VTI1A: variants seen among roughly 807,000 people sequenced by gnomAD.
VTI1A encodes the protein vesicle transport through interaction with t-SNAREs 1A.
In VTI1A, 22 loss-of-function variants were observed where a neutral mutation model predicts 34.9. That is an observed-to-expected ratio of 0.63 (90% CI 0.45 to 0.90). VTI1A has a LOEUF of 0.90. Ranked by LOEUF, VTI1A falls within the 40% of genes least tolerant of loss-of-function variation. VTI1A has a pLI of 0.00. For missense variants in VTI1A, 268 were observed against 275.6 expected, an observed-to-expected ratio of 0.97 and a Z score of 0.20; for synonymous variants, 87 against 97.3, an observed-to-expected ratio of 0.89 and a Z score of 0.62.
chr10:112,672,614 A>T (rs1847890460), intron 7 of VTI1A: 1 of 152,190 alleles, frequency 6.6e-6, no homozygotes. Flanking sequence ...CTTTCACAAA[A>T]TTTGATTATT....
intron 5 of VTI1A, among the ~76,000 whole-genome samples, chr10:112,599,845 C>T (rs1844814632): frequency 6.6e-6 from 1 of 152,182 alleles, no homozygotes; most frequent in Non-Finnish European, 1.5e-5. Flanking sequence ...TCCCAAAGTG[C>T]TGGGACTACA....
intron 7 of VTI1A, among the ~76,000 whole-genome samples, chr10:112,779,384 C>CT (rs1852047443): frequency 6.6e-6 from 1 of 152,180 alleles, no homozygotes; most frequent in Non-Finnish European, 1.5e-5. Flanking sequence ...GATTTTGACA[C>CT]AGAGATAAGC....
intron 7 of VTI1A, among the ~76,000 whole-genome samples, chr10:112,779,122 C>A (rs1316434106): frequency 6.6e-6 from 1 of 152,178 alleles, no homozygotes; most frequent in Non-Finnish European, 1.5e-5. Context: ...GGTACACATA[C>A]TTCCAGTTCT....
intron 7 of VTI1A, among the ~76,000 whole-genome samples, chr10:112,685,090 C>CT: frequency 6.6e-6 from 1 of 152,250 alleles, no homozygotes; most frequent in East Asian, 1.9e-4. Context: ...TTTTTTAAAT[C>CT]TTTGGAATTG....
intron 6 of VTI1A, 68 bp from the exon 7 acceptor site, chr10:112,668,869 C>T (rs571410281): frequency 8.8e-6 from 13 of 1,479,780 alleles, no homozygotes; most frequent in Non-Finnish European, 9.3e-6. Flanking sequence ...AATAAATTGT[C>T]GCTTGCCATG....
chr10:112,721,657 A>G (rs1275042277), intron 7 of VTI1A, among the ~76,000 whole-genome samples: 2 of 152,210 alleles, frequency 1.3e-5, no homozygotes, highest in African/African-American at 2.4e-5. Context: ...TATTCCCTCC[A>G]GTGTACCATC....
intron 5 of VTI1A, among the ~76,000 whole-genome samples, chr10:112,595,084 G>A (rs879622319): frequency 0.086 from 12,671 of 147,904 alleles, 592 homozygotes; most frequent in Non-Finnish European, 0.11. Flanking sequence ...TTAATAAATG[G>A]TGCTGGGAAA....
chr10:112,541,254 A>C (rs1589880266), intron 5 of VTI1A, among the ~76,000 whole-genome samples: 1 of 152,158 alleles, frequency 6.6e-6, no homozygotes, highest in Non-Finnish European at 1.5e-5. Flanking sequence ...TTGGAGAGAG[A>C]GAAAAACCAC....
chr10:112,651,829 G>A (rs1847034237), intron 5 of VTI1A, among the ~76,000 whole-genome samples: 1 of 152,194 alleles, frequency 6.6e-6, no homozygotes. Context: ...AGAGAGATGG[G>A]AAAGTCCACT....
Position 112,590,725 on chromosome 10 carries a change from C to T in VTI1A, c.427+52395C>T, listed in dbSNP as rs1445649783. ...AAAAATAAAATAAATTTATTTATTT[C>T]ATTAGCCCAGAGATTGGAAACGAGA... On this transcript the variant is annotated intron_variant, in intron 5 of 7. Coordinates refer to ENST00000393077, the MANE Select transcript of VTI1A (RefSeq NM_145206.4). Among the ~76,000 whole-genome samples, 4 of 152,006 alleles carry T rather than the reference C, an allele frequency of 2.6e-5. No individual in the cohort carries two copies. In the East Asian group the frequency reaches 7.7e-4, roughly 29 times the overall value.
chr10:112,754,743 G>A (rs1470630159), intron 7 of VTI1A, among the ~76,000 whole-genome samples: 1 of 152,198 alleles, frequency 6.6e-6, no homozygotes, highest in South Asian at 2.1e-4. Flanking sequence ...ATGCAGGGGG[G>A]CACAGAGTGT....
chr10:112,825,705 C>A, the VTI1A span: 1 of 152,340 alleles, frequency 6.6e-6, no homozygotes, highest in Non-Finnish European at 1.5e-5. Flanking sequence ...GGAGAACCCT[C>A]ATGTCTAGGG....
At chr10:112,518,936 A>G (rs1274740818) in intron 3 of VTI1A, among the ~76,000 whole-genome samples, 1 of 152,022 alleles carries the variant, frequency 6.6e-6, no homozygotes, top group African/African-American at 2.4e-5. Flanking sequence ...TCACCCTAGT[A>G]TAGAAGTAAC....
intron 7 of VTI1A, among the ~76,000 whole-genome samples, chr10:112,700,117 C>CAAAAAAAAAAAAAAAAAAAAAAA (rs1201699870): frequency 2.5e-5 from 1 of 40,440 alleles, no homozygotes; most frequent in East Asian, 8.4e-4. Flanking sequence ...GACTCCATCT[C>CAAAAAAAAAAAAAAAAAAAAAAA]AAAAAAAAAA....
intron 5 of VTI1A, among the ~76,000 whole-genome samples, chr10:112,543,916 C>T (rs992304024): frequency 3.3e-5 from 5 of 152,180 alleles, no homozygotes; most frequent in African/African-American, 1.2e-4. Flanking sequence ...GTTTTCCCAG[C>T]ACCATTTATT....
At chr10:112,844,587 C>T in the VTI1A span, among the ~76,000 whole-genome samples, 13 of 152,192 alleles carry the variant, frequency 8.5e-5, no homozygotes, top group African/African-American at 1.7e-4. Context: ...TTAGTAGAGA[C>T]GGAGTTTCAC....
At chr10:112,850,092 T>A in the VTI1A span, among the ~76,000 whole-genome samples, 8 of 152,156 alleles carry the variant, frequency 5.3e-5, no homozygotes, top group African/African-American at 1.7e-4. Flanking sequence ...TATAAAGAGT[T>A]GGGAGGGTTT....
At chr10:112,698,286 T>C (rs1450941715) in intron 7 of VTI1A, among the ~76,000 whole-genome samples, 1 of 152,178 alleles carries the variant, frequency 6.6e-6, no homozygotes, top group Admixed American at 6.5e-5. Context: ...ACTTGGGTAA[T>C]ATGTCACTGC....
intron 7 of VTI1A, among the ~76,000 whole-genome samples, chr10:112,706,640 G>A (rs969799590): frequency 2.0e-5 from 3 of 152,214 alleles, no homozygotes; most frequent in Non-Finnish European, 4.4e-5. Context: ...TTCTCTTACG[G>A]TCTCTAGAGC....
Sources: gnomAD v4.1 joint callset for allele counts (sites outside exome capture counted in the v4.1 genomes callset) on GRCh38, gnomAD v4.1.1 for gene constraint, MANE v1.5 for transcripts, NCBI Gene and HGNC (gene_info 2026-07-23, HGNC 2026-07-21) for gene names.